PLXNA3: variants seen among roughly 807,000 people sequenced by gnomAD.
PLXNA3 encodes the protein plexin-A3.
PLXNA3 carries 52 observed loss-of-function variants against 118.8 expected under a neutral mutation model. The ratio of observed to expected loss-of-function variants is 0.44; its 90% CI spans 0.35 to 0.55. PLXNA3 has a LOEUF of 0.55. PLXNA3 is among the 20% of genes least tolerant of loss of function. The probability of loss-of-function intolerance (pLI) is 0.01; values close to 1 mark genes in which losing one functional copy is unlikely to be tolerated. For synonymous variants in PLXNA3, 925 were observed against 762.4 expected (o/e 1.21, Z -3.51); for missense variants, 1,660 against 1,730.8 (o/e 0.96, Z 0.73).
chrX:154,466,440 T>C lies in PLXNA3; in HGVS notation c.2864T>C (p.Ile955Thr). Residue 955 changes from isoleucine (I) to threonine (T), a missense_variant, in exon 16 of 33, where the codon ATC becomes ACC. Coordinates refer to ENST00000369682, the MANE Select transcript of PLXNA3 (RefSeq NM_017514.5). ...GPASGGTRLT[I>T]SGSSLDAGSR... is the part of the protein sequence containing the mutation. The stretch of plus-strand genomic sequence containing the variant: ...GCGTCCGGGGGCACACGGCTTACCA[T>C]CTCAGGCAGCTCTCTGGATGCTGGC... 2.5e-6 allele frequency: 3 copies of C among 1,210,838 alleles called. No individual in the cohort carries two copies. Among genetic ancestry groups the C allele is most frequent in the Non-Finnish European group, 3.4e-6 (3 of 895,196 alleles).
In PLXNA3 at chrX:154,460,574, C is replaced by G; in HGVS notation, c.391C>G (p.Leu131Val). ...CCTGCGTCTGGACGACCTCTTCAAG[C>G]TGGGTGAGCCGCACCACCGCAAGGA... ...QFLRLDDLFK[L>V]GEPHHRKEHY... The change falls in exon 2 of 33, where the codon CTG becomes GTG. Residue 131 changes from leucine to valine, a missense_variant. By Grantham distance (32) the Leu-to-Val change is conservative. Transcript: ENST00000369682. 3 of 1,206,355 alleles carry G rather than the reference C, an allele frequency of 2.5e-6. No homozygotes were observed. The highest frequency in any genetic ancestry group is 2.2e-6 in the Non-Finnish European group (2 of 892,568).
Position 154,477,245 on chromosome X carries a change from A to G in PLXNA3, c.*4560A>G, listed in dbSNP as rs1341157302. The G allele has an allele frequency of 3.6e-5, 4 of 112,547 alleles. No individual in the cohort carries two copies. Among genetic ancestry groups the G allele is most frequent in the Non-Finnish European group, 7.5e-5 (4 of 53,324 alleles). 9.3% of individuals were successfully genotyped at this position (112,547 alleles called of 1,213,427 possible). A position where few individuals can be genotyped will look rare whatever the true frequency, so the allele number is the denominator to read the frequency against. The stretch of plus-strand genomic sequence containing the variant: ...GTTAAGAGCTGCTCTGGTCCCACAC[A>G]GCACATCTTCAAAGCAAGACTCAAA... On this transcript the variant is annotated 3_prime_UTR_variant, in exon 33 of 33. Coordinates refer to ENST00000369682, the MANE Select transcript of PLXNA3 (RefSeq NM_017514.5).
chrX:154,461,175 TCTA>T lies in PLXNA3; in HGVS notation c.676_678del (p.Tyr226del). On this transcript the variant is annotated inframe_deletion, in exon 3 of 33. Coordinates refer to ENST00000369682, the MANE Select transcript of PLXNA3 (RefSeq NM_017514.5). ...CTGTCCTTGTACCCTGCCTTTGACA[TCTA>T]CTACATCTACGGCTTCGTCAGCGCC... 8.3e-7 allele frequency: 1 copy of T among 1,210,493 alleles called. No individual in the cohort carries two copies. The highest frequency in any genetic ancestry group is 1.1e-6 in the Non-Finnish European group (1 of 893,916).
chrX:154,460,222 C>T lies in PLXNA3; in HGVS notation c.39C>T (p.Ala13=), dbSNP rs201924446. Reference sequence around the variant, plus strand: ...GCCTCCTCCTGCTGCTCTTCCTTGCCGTGGGGGGGGCCCTGGGCAACAGGC... The same window carrying T: ...GCCTCCTCCTGCTGCTCTTCCTTGCTGTGGGGGGGGCCCTGGGCAACAGGC... The part of the protein sequence containing the change: ...SVCLLLLLFL[A]VGGALGNRPF... The change falls in exon 2 of 33, where the codon GCC becomes GCT. Residue 13 remains alanine, a synonymous_variant. Coordinates refer to ENST00000369682, the MANE Select transcript of PLXNA3 (RefSeq NM_017514.5). 154 of 1,207,355 alleles carry T rather than the reference C, an allele frequency of 1.3e-4. No homozygotes were observed. Among genetic ancestry groups the T allele is most frequent in the Middle Eastern group, 4.8e-4 (2 of 4,144 alleles).
intron 6 of PLXNA3, 90 bp downstream of exon 6, chrX:154,463,780 C>T: frequency 1.0e-6 from 1 of 977,555 alleles, no homozygotes; most frequent in Non-Finnish European, 1.4e-6. Context: ...GCGGCCTCCC[C>T]CCGCCCTCCT....
rs1329394012 is a variant in PLXNA3 at position 154,476,083 on chromosome X, C to T, written c.*3398C>T. ...CTCAGGAGGCTGAGGTGCTGGGGAA[C>T]AAGGCTGCAGTGAGCTGTGATTGTG... On this transcript the variant is annotated 3_prime_UTR_variant, in exon 33 of 33. Coordinates refer to ENST00000369682, the MANE Select transcript of PLXNA3 (RefSeq NM_017514.5). The T allele has an allele frequency of 9.0e-6, 1 of 111,592 alleles. No homozygotes were observed. The highest frequency in any genetic ancestry group is 1.9e-5 in the Non-Finnish European group (1 of 53,019). 9.2% of individuals were successfully genotyped at this position (111,592 alleles called of 1,213,427 possible).
Position 154,460,616 on chromosome X carries a change from G to T in PLXNA3, c.433G>T (p.Ala145Ser). Reference sequence around the variant, plus strand: ...CCGCAAGGAGCACTACCTGTCGGGGGCCCAGGAGCCCGACTCCATGGCTGG... The same window carrying T: ...CCGCAAGGAGCACTACCTGTCGGGGTCCCAGGAGCCCGACTCCATGGCTGG... Reference protein sequence around the residue: ...HHRKEHYLSGAQEPDSMAGVI... With the variant: ...HHRKEHYLSGSQEPDSMAGVI... The change falls in exon 2 of 33, where the codon GCC becomes TCC. Residue 145 changes from alanine to serine, a missense_variant. Coordinates refer to ENST00000369682, the MANE Select transcript of PLXNA3 (RefSeq NM_017514.5). The T allele has an allele frequency of 8.4e-7, 1 of 1,189,809 alleles. No homozygotes were observed. Among genetic ancestry groups the T allele is most frequent in the Non-Finnish European group, 1.1e-6 (1 of 883,103 alleles).
In PLXNA3 at chrX:154,467,912, G is replaced by A. The variant is rs782526213; in HGVS notation, c.3731G>A (p.Arg1244His). 3.0e-5 allele frequency: 36 copies of A among 1,208,595 alleles called. No individual in the cohort carries two copies. The highest frequency in any genetic ancestry group is 2.0e-4 in the Admixed American group (9 of 45,844). ...AITAVLVAYK[R>H]KTQDADRTLK... ...ACAGCCGTGCTGGTGGCCTACAAGC[G>A]CAAGACTCAGGACGCGGACCGTACC... Residue 1244 changes from arginine (R) to histidine (H), a missense_variant, in exon 21 of 33, where the codon CGC becomes CAC. Arg to His is a conservative substitution (Grantham distance 29, BLOSUM62 0). Around this residue, in one of 2 missense-constraint regions of PLXNA3, gnomAD observed 869 missense variants for 1,078.7 expected, o/e 0.81. Coordinates refer to ENST00000369682, the MANE Select transcript of PLXNA3 (RefSeq NM_017514.5).
chrX:154,459,939 TGAGGC>T (rs1178923463), intron 1 of PLXNA3, among the ~76,000 whole-genome samples: 2 of 113,163 alleles, frequency 1.8e-5, no homozygotes, highest in African/African-American at 3.2e-5. Flanking sequence ...GTGGCCCAGC[TGAGGC>T]GAGGCCTCCT....
chrX:154,460,736 A>C lies in PLXNA3; in HGVS notation c.553A>C (p.Lys185Gln). 4.4e-6 allele frequency: 5 copies of C among 1,133,963 alleles called. No homozygotes were observed. The highest frequency in any genetic ancestry group is 5.8e-6 in the Non-Finnish European group (5 of 862,705). The allele number at this position is 1,133,963 out of a possible 1,213,427, so 93.5% of individuals were successfully genotyped here. Residue 185 changes from lysine (K) to glutamine (Q), a missense_variant, in exon 2 of 33, where the codon AAG becomes CAG. Physicochemically the swap from Lys to Gln is moderately conservative, Grantham distance 53. Around this residue, in one of 2 missense-constraint regions of PLXNA3, gnomAD observed 791 missense variants for 652.1 expected, o/e 1.21. Transcript: ENST00000369682. ...SEYFPTLSSR[K>Q]LISDEDSADM... ...GTACTTCCCCACCTTGAGCTCCCGCAAGCTCATCAGTGATGAAGACAGCGC... is the reference window on the plus strand; with the variant it reads ...GTACTTCCCCACCTTGAGCTCCCGCCAGCTCATCAGTGATGAAGACAGCGC...
chrX:154,466,900 T>G, intron 17 of PLXNA3, 107 bp downstream of exon 17: 1 of 849,043 alleles, frequency 1.2e-6, no homozygotes, highest in Non-Finnish European at 1.7e-6. Flanking sequence ...CCCTCATTGG[T>G]GGAGGGGGTG....
chrX:154,459,745 C>A (rs2068904327), intron 1 of PLXNA3, among the ~76,000 whole-genome samples: 1 of 112,723 alleles, frequency 8.9e-6, no homozygotes, highest in Non-Finnish European at 1.9e-5. Context: ...GGTGGTGTTC[C>A]TGGCCCTGCC....
At chrX:154,470,731 G>T in intron 30 of PLXNA3, 120 bp downstream of exon 30, 1 of 694,752 alleles carries the variant, frequency 1.4e-6, no homozygotes, top group South Asian at 2.6e-5. Context: ...ATGAGGCCTG[G>T]CCTGGGGTTG....
rs2069058660 is a variant in PLXNA3, at chrX:154,465,217, C to CG, written c.2244+1dup. 8.3e-7 allele frequency: 1 copy of CG among 1,202,501 alleles called. No individual in the cohort carries two copies. Among genetic ancestry groups the CG allele is most frequent in the African/African-American group, 1.7e-5 (1 of 57,685 alleles). On this transcript the variant is annotated frameshift_variant and splice_region_variant, in exon 11 of 33. Transcript: ENST00000369682. LOFTEE classifies it high-confidence loss of function. ...AGCAGTGTGCAGTGCCAGAACGCCT[C>CG]GGTGAGGTCCCACCCGCTGCCTCCC...
Position 154,477,625 on chromosome X carries a change from A to C in PLXNA3, c.*4940A>C, listed in dbSNP as rs1557211086. 7 of 242,375 alleles carry C rather than the reference A, an allele frequency of 2.9e-5. No individual in the cohort carries two copies. Among genetic ancestry groups the C allele is most frequent in the Non-Finnish European group, 4.4e-5 (6 of 135,606 alleles). The allele number at this position is 242,375 out of a possible 1,213,427, so 20.0% of individuals were successfully genotyped here. On this transcript the variant is annotated 3_prime_UTR_variant, in exon 33 of 33. Transcript: ENST00000369682. ...TAGTTAATCCTGAATGACAGAACCCAATTGATTTTCATTTTCTTCCATTTC... is the reference window on the plus strand; with the variant it reads ...TAGTTAATCCTGAATGACAGAACCCCATTGATTTTCATTTTCTTCCATTTC...
Position 154,467,891 on chromosome X carries a change from C to T in PLXNA3, c.3710C>T (p.Ala1237Val), listed in dbSNP as rs371220483. 16 of 1,207,833 alleles carry T rather than the reference C, an allele frequency of 1.3e-5. No individual in the cohort carries two copies. Among genetic ancestry groups the T allele is most frequent in the Admixed American group, 2.2e-5 (1 of 45,836 alleles). ...GGGCTCCTGCTGCTGGCCATCACAG[C>T]CGTGCTGGTGGCCTACAAGCGCAAG... ...GGGLLLLAIT[A>V]VLVAYKRKTQ... Residue 1237 changes from alanine to valine, a missense_variant, in exon 21 of 33, where the codon GCC becomes GTC. Ala to Val is a moderately conservative substitution (Grantham distance 64, BLOSUM62 0). Coordinates refer to ENST00000369682, the MANE Select transcript of PLXNA3 (RefSeq NM_017514.5).
chrX:154,467,393 C>A lies in PLXNA3; in HGVS notation c.3363C>A (p.Tyr1121Ter). ...CCCTCAACCGCTCCTCCTTTACCTA[C>A]TACCCTGATCCCAGCTTTGAGCCGC... ...ARSLNRSSFTYYPDPSFEPLG... is the reference protein window; with the variant it reads ...ARSLNRSSFT The change falls in exon 19 of 33, where the codon TAC becomes TAA. Residue 1121 changes from tyrosine to a stop codon, truncating the protein, a stop_gained. Transcript: ENST00000369682. LOFTEE classifies it high-confidence loss of function. 8.3e-7 allele frequency: 1 copy of A among 1,203,368 alleles called. No individual in the cohort carries two copies. The highest frequency in any genetic ancestry group is 1.1e-6 in the Non-Finnish European group (1 of 895,302).
At chrX:154,465,567 GCTGGGGTCGGGT>G in intron 12 of PLXNA3, 47 bp downstream of exon 12, 4 of 1,157,083 alleles carry the variant, frequency 3.5e-6, no homozygotes, top group Non-Finnish European at 4.7e-6. Flanking sequence ...AATTGGCACT[GCTGGGGTCGGGT>G]CTGGGGGCCC....
Position 154,460,778 on chromosome X carries a change from G to A in PLXNA3, c.594+1G>A, listed in dbSNP as rs1557203795. ...AGACAGCGCGGACATGTTCAGTCTC[G>A]TGCGTGAGCCTTCCTTCTCTTCTTC... On this transcript the variant is annotated splice_donor_variant, in intron 2 of 32. Transcript: ENST00000369682. LOFTEE classifies it high-confidence loss of function. 9.2e-7 allele frequency: 1 copy of A among 1,089,813 alleles called. No individual in the cohort carries two copies. The highest frequency in any genetic ancestry group is 3.1e-5 in the Admixed American group (1 of 32,121). The allele number at this position is 1,089,813 out of a possible 1,213,427, so 89.8% of individuals were successfully genotyped here. A position where few individuals can be genotyped will look rare whatever the true frequency, so the allele number is the denominator to read the frequency against.
Sources: allele counts gnomAD v4.1 joint callset (sites outside exome capture counted in the v4.1 genomes callset), GRCh38; gene constraint gnomAD v4.1.1; regional missense constraint gnomAD v4.1.1; transcripts MANE v1.5; gene names NCBI Gene and HGNC (gene_info 2026-07-23, HGNC 2026-07-21).